TBC1D22A: variants seen among roughly 807,000 people sequenced by gnomAD.
TBC1D22A encodes the protein TBC1 domain family member 22A, also known as putative GTPase activator.
Under a neutral mutation model 60.2 loss-of-function variants are expected in TBC1D22A, and 38 were observed. The ratio of observed to expected loss-of-function variants is 0.63; its 90% confidence interval spans 0.49 to 0.83. TBC1D22A has a LOEUF of 0.83. Among genes scored for constraint, TBC1D22A ranks in the 40% least tolerant of loss-of-function variants. The pLI is 0.00. For synonymous variants in TBC1D22A, 302 were observed against 281.7 expected (o/e 1.07, Z -0.72); for missense variants, 628 against 701.0 (o/e 0.90, Z 1.18).
At chr22:47,056,247 A>C (rs1414714528) in intron 11 of TBC1D22A, among the ~76,000 whole-genome samples, 2 of 151,728 alleles carry the variant, frequency 1.3e-5, no homozygotes, top group Admixed American at 1.3e-4. Context: ...CCTCCGCATG[A>C]CCTGGGTGCC....
chr22:46,828,013 G>A (rs1311605553), intron 4 of TBC1D22A, among the ~76,000 whole-genome samples: 1 of 152,170 alleles, frequency 6.6e-6, no homozygotes, highest in Non-Finnish European at 1.5e-5. Flanking sequence ...TCCCCACAAG[G>A]TGTCACTGCA....
At chr22:47,093,050 T>A (rs1319513252) in intron 11 of TBC1D22A, among the ~76,000 whole-genome samples, 1 of 152,198 alleles carries the variant, frequency 6.6e-6, no homozygotes, top group Non-Finnish European at 1.5e-5. Context: ...AGAAAGTTAA[T>A]CCTTCTTGCA....
intron 12 of TBC1D22A, among the ~76,000 whole-genome samples, chr22:47,144,969 G>A (rs1028738572): frequency 6.6e-6 from 1 of 152,378 alleles, no homozygotes; most frequent in East Asian, 1.9e-4. Flanking sequence ...GTTTGGTGCC[G>A]CTGGACCAGA....
At chr22:46,857,516 A>C (rs757713846) in intron 4 of TBC1D22A, among the ~76,000 whole-genome samples, 2 of 152,194 alleles carry the variant, frequency 1.3e-5, no homozygotes, top group Non-Finnish European at 2.9e-5. Flanking sequence ...TTCACATACC[A>C]TACAGTTCAC....
At chr22:46,765,544 C>T (rs960108904) in intron 1 of TBC1D22A, among the ~76,000 whole-genome samples, 24 of 152,068 alleles carry the variant, frequency 1.6e-4, no homozygotes, top group African/African-American at 5.8e-4. Context: ...TGGCTCACTG[C>T]AACCTCTGCC....
Position 47,037,604 on chromosome 22 carries a change from C to T in TBC1D22A, c.1329+406C>T, listed in dbSNP as rs545020584. On this transcript the variant is annotated intron_variant, in intron 11 of 12. Transcript: ENST00000337137. ...CAAGCTTGCGCCACTGCACTCCAGC[C>T]TGGGTGGCAGAGCGAGACTCCATCT... Among the ~76,000 whole-genome samples the T allele has an allele frequency of 1.7e-3, 263 of 152,256 alleles. 1 individual carries two copies. The highest frequency in any genetic ancestry group is 5.9e-3 in the African/African-American group (247 of 41,564).
intron 12 of TBC1D22A, among the ~76,000 whole-genome samples, chr22:47,114,296 A>G (rs1601554082): frequency 6.6e-6 from 1 of 151,360 alleles, no homozygotes; most frequent in East Asian, 1.9e-4. Flanking sequence ...TGGAGTGCAC[A>G]CTCTGAGAGC....
intron 12 of TBC1D22A, among the ~76,000 whole-genome samples, chr22:47,143,437 G>A (rs1001869671): frequency 5.9e-5 from 9 of 152,232 alleles, no homozygotes; most frequent in Non-Finnish European, 1.0e-4. Flanking sequence ...GCCCTGCCGC[G>A]CTGGCTAGCT....
At chr22:46,825,922 G>T (rs182296154) in intron 4 of TBC1D22A, among the ~76,000 whole-genome samples, 1 of 144,842 alleles carries the variant, frequency 6.9e-6, no homozygotes, top group Admixed American at 7.1e-5. Flanking sequence ...TTGCTCTGTC[G>T]CCCAGGCTGG....
chr22:47,146,101 G>A (rs1313297592), intron 12 of TBC1D22A, among the ~76,000 whole-genome samples: 5 of 150,002 alleles, frequency 3.3e-5, no homozygotes, highest in African/African-American at 7.4e-5. Flanking sequence ...ACTGGGGGCC[G>A]CGGCGCGGGG....
chr22:46,894,978 C>T (rs1273615786), intron 7 of TBC1D22A, 132 bp downstream of exon 7: 4 of 884,426 alleles, frequency 4.5e-6, no homozygotes, highest in African/African-American at 3.3e-5. Context: ...GCCGGTGCAT[C>T]TAGCCCTTGT....
intron 7 of TBC1D22A, among the ~76,000 whole-genome samples, chr22:46,902,822 A>C (rs1165855386): frequency 6.7e-6 from 1 of 150,232 alleles, no homozygotes; most frequent in African/African-American, 2.5e-5. Context: ...ACGAAGACTC[A>C]GATGTCTCTG....
In TBC1D22A at chr22:46,940,288, A is replaced by G. The variant is rs575924194; in HGVS notation, c.1015+28100A>G. Reference sequence around the variant, plus strand: ...CAGACCTTCAGTTTGTAAAAAATGCAGGATCTGTGAAGCACAATAGAGCAA... The same window carrying G: ...CAGACCTTCAGTTTGTAAAAAATGCGGGATCTGTGAAGCACAATAGAGCAA... On this transcript the variant is annotated intron_variant, in intron 8 of 12. Transcript: ENST00000337137. Among the ~76,000 whole-genome samples, 29 of 152,318 alleles carry G rather than the reference A, an allele frequency of 1.9e-4. 1 individual carries two copies. Among genetic ancestry groups the G allele is most frequent in the Middle Eastern group, 3.4e-3 (1 of 294 alleles).
At chr22:46,766,143 G>C (rs375516257) in intron 1 of TBC1D22A, among the ~76,000 whole-genome samples, 7 of 151,998 alleles carry the variant, frequency 4.6e-5, no homozygotes, top group Admixed American at 4.6e-4. Context: ...GACTACAGGC[G>C]CCTGCCACCA....
chr22:46,890,254 C>T (rs1409720372), intron 5 of TBC1D22A, among the ~76,000 whole-genome samples: 2 of 152,062 alleles, frequency 1.3e-5, no homozygotes, highest in African/African-American at 4.8e-5. Context: ...CAGGAGATCA[C>T]TTGAACCCGT....
intron 11 of TBC1D22A, among the ~76,000 whole-genome samples, chr22:47,105,801 T>C (rs977977633): frequency 6.6e-6 from 1 of 151,268 alleles, no homozygotes; most frequent in Non-Finnish European, 1.5e-5. Context: ...CCAATAGATA[T>C]ACATTCTAAG....
At chr22:47,078,801 T>C (rs1322224454) in intron 11 of TBC1D22A, among the ~76,000 whole-genome samples, 1 of 152,204 alleles carries the variant, frequency 6.6e-6, no homozygotes, top group Non-Finnish European at 1.5e-5. Flanking sequence ...TTTCCTTACA[T>C]TCATCTAAGG....
At chr22:46,811,909 G>T (rs543761209) in intron 4 of TBC1D22A, among the ~76,000 whole-genome samples, 1 of 152,112 alleles carries the variant, frequency 6.6e-6, no homozygotes, top group Admixed American at 6.5e-5. Flanking sequence ...CTGAGATCCC[G>T]TGCTCAGATC....
At chr22:46,964,101 C>A (rs1447906334) in intron 8 of TBC1D22A, among the ~76,000 whole-genome samples, 1 of 152,238 alleles carries the variant, frequency 6.6e-6, no homozygotes, top group African/African-American at 2.4e-5. Flanking sequence ...GTTTGATTTT[C>A]TGGCAGGTGC....
Sources: gnomAD v4.1 joint callset for allele counts (sites outside exome capture counted in the v4.1 genomes callset) on GRCh38, gnomAD v4.1.1 for gene constraint, MANE v1.5 for transcripts, NCBI Gene and HGNC (gene_info 2026-07-23, HGNC 2026-07-21) for gene names.